The following SLC1A2 variants were observed in gnomAD, a reference collection of about 807,000 sequenced individuals.
The protein encoded by SLC1A2 is excitatory amino acid transporter 2.
In SLC1A2, 15 loss-of-function variants were observed where a neutral mutation model predicts 48.8. The observed-to-expected ratio is 0.31, with a 90% CI of 0.21 to 0.47. SLC1A2 has a LOEUF of 0.47. Ranked by LOEUF, SLC1A2 falls within the 20% of genes least tolerant of loss-of-function variation. The pLI, the probability that SLC1A2 is intolerant of heterozygous loss-of-function variation, is 0.99. For missense variants in SLC1A2, 502 were observed against 730.5 expected (o/e 0.69, Z 3.61); for synonymous variants, 279 against 272.6 (o/e 1.02, Z -0.23).
chr11:35,352,743 T>C (rs891072270), intron 1 of SLC1A2, among the ~76,000 whole-genome samples: 3 of 152,082 alleles, frequency 2.0e-5, no homozygotes, highest in African/African-American at 7.2e-5. Flanking sequence ...GAGGGTTAGG[T>C]TGAGATGGTT....
intron 1 of SLC1A2, among the ~76,000 whole-genome samples, chr11:35,339,723 AAG>A (rs1852770567): frequency 6.6e-6 from 1 of 152,220 alleles, no homozygotes; most frequent in Non-Finnish European, 1.5e-5. Flanking sequence ...GAAGATTGAT[AAG>A]CACAAATATA....
intron 10 of SLC1A2, among the ~76,000 whole-genome samples, chr11:35,262,358 C>A (rs1310291884): frequency 6.6e-6 from 1 of 152,084 alleles, no homozygotes; most frequent in Non-Finnish European, 1.5e-5. Flanking sequence ...AATACTGGGG[C>A]CTATGTTTCA....
At chr11:35,397,653 T>C (rs1180743005) in intron 1 of SLC1A2, among the ~76,000 whole-genome samples, 2 of 151,918 alleles carry the variant, frequency 1.3e-5, no homozygotes, top group East Asian at 1.9e-4. Context: ...TATTTGGAGG[T>C]GAGTTTTTGG....
At chr11:35,309,923 C>T (rs185289704) in intron 4 of SLC1A2, among the ~76,000 whole-genome samples, 20 of 152,160 alleles carry the variant, frequency 1.3e-4, no homozygotes, top group African/African-American at 3.4e-4. Context: ...GCTCAGTCCT[C>T]ATATGAATTT....
intron 8 of SLC1A2, 65 bp from the exon 9 acceptor site, chr11:35,281,066 A>G: frequency 6.8e-7 from 1 of 1,464,232 alleles, no homozygotes; most frequent in Non-Finnish European, 9.1e-7. Context: ...AACCCTGGCA[A>G]TTTTAAGCTC....
intron 1 of SLC1A2, 59 bp from the exon 2 acceptor site, chr11:35,317,575 G>C: frequency 6.4e-7 from 1 of 1,563,674 alleles, no homozygotes; most frequent in Admixed American, 1.7e-5. Flanking sequence ...TACAGTTTCA[G>C]GGGCTCGACT....
At chr11:35,382,984 A>G (rs1194542363) in intron 1 of SLC1A2, among the ~76,000 whole-genome samples, 1 of 152,188 alleles carries the variant, frequency 6.6e-6, no homozygotes, top group Non-Finnish European at 1.5e-5. Flanking sequence ...TACACCATCT[A>G]AGAAAATTAT....
chr11:35,293,782 T>C (rs1414688996), intron 6 of SLC1A2, among the ~76,000 whole-genome samples: 1 of 152,134 alleles, frequency 6.6e-6, no homozygotes, highest in Non-Finnish European at 1.5e-5. Flanking sequence ...AGCAAACACT[T>C]TCCTGGATTA....
intron 6 of SLC1A2, among the ~76,000 whole-genome samples, chr11:35,293,462 C>T (rs1851074866): frequency 6.6e-6 from 1 of 152,168 alleles, no homozygotes; most frequent in South Asian, 2.1e-4. Context: ...AGTTTGGAAA[C>T]TACTTTGGTC....
chr11:35,313,617 C>T (rs1007647777), intron 3 of SLC1A2, among the ~76,000 whole-genome samples: 1 of 152,198 alleles, frequency 6.6e-6, no homozygotes, highest in Non-Finnish European at 1.5e-5. Context: ...GTGTGACCTA[C>T]TTCTCTTTAC....
chr11:35,287,010 T>A, intron 7 of SLC1A2, 59 bp from the exon 8 acceptor site: 14 of 1,331,788 alleles, frequency 1.1e-5, no homozygotes, highest in Middle Eastern at 2.1e-4. Flanking sequence ...AGCAGGACAA[T>A]GCATAAACTG....
At chr11:35,388,391 T>C (rs1854650361) in intron 1 of SLC1A2, among the ~76,000 whole-genome samples, 1 of 152,162 alleles carries the variant, frequency 6.6e-6, no homozygotes, top group African/African-American at 2.4e-5. Context: ...CAGACATGTT[T>C]GTTTTTGTTT....
chr11:35,371,389 T>C (rs532526894), intron 1 of SLC1A2, among the ~76,000 whole-genome samples: 261 of 152,240 alleles, frequency 1.7e-3, no homozygotes, highest in African/African-American at 6.1e-3. Context: ...ACTCTTCATC[T>C]CCCTGCCACC....
upstream of SLC1A2, chr11:35,420,405 C>T (rs893293353): frequency 6.6e-6 from 1 of 152,188 alleles, no homozygotes; most frequent in African/African-American, 2.4e-5. Flanking sequence ...ACCTAGGGTC[C>T]CACTACTTGC....
At chr11:35,300,965 C>T (rs572491049) in intron 6 of SLC1A2, among the ~76,000 whole-genome samples, 8 of 152,122 alleles carry the variant, frequency 5.3e-5, no homozygotes, top group East Asian at 1.9e-4. Context: ...GCCGAGCCTG[C>T]GATGAGCCAT....
intron 1 of SLC1A2, among the ~76,000 whole-genome samples, chr11:35,389,400 CT>C (rs80349646): frequency 2.0e-5 from 3 of 151,752 alleles, no homozygotes; most frequent in East Asian, 1.9e-4. Context: ...GGTTTTTGGT[CT>C]TTTTTTTGTT....
chr11:35,315,068 G>A lies in SLC1A2; in HGVS notation c.265C>T (p.Leu89=). 6.2e-7 allele frequency: 1 copy of A among 1,612,370 alleles called. No homozygotes were observed. Among genetic ancestry groups the A allele is most frequent in the Non-Finnish European group, 8.5e-7 (1 of 1,178,482 alleles). Residue 89 remains leucine (L), a synonymous_variant, in exon 3 of 11, where the codon CTA becomes TTA. Transcript: ENST00000278379. ...AFPGDILMRM[L]KMLILPLIIS... is the part of the protein sequence containing the mutation. ...ATTAGAGGGAGAATGAGCATTTTTA[G>A]CATCCTCATGAGTATATCCCCTGGG... is the stretch of plus-strand genomic sequence containing the variant.
intron 9 of SLC1A2, among the ~76,000 whole-genome samples, chr11:35,272,191 G>A (rs1850297707): frequency 6.6e-6 from 1 of 152,196 alleles, no homozygotes; most frequent in Admixed American, 6.5e-5. Flanking sequence ...TTCCTAGAGA[G>A]ATCAGAGAGG....
At chr11:35,314,905 T>C in intron 3 of SLC1A2, 118 bp downstream of exon 3, 1 of 662,960 alleles carries the variant, frequency 1.5e-6, no homozygotes, top group Admixed American at 2.4e-5. Flanking sequence ...ACCAAAGCTC[T>C]GAAATGAAAT....
Sources: gnomAD v4.1 joint callset for allele counts (sites outside exome capture counted in the v4.1 genomes callset) on GRCh38, gnomAD v4.1.1 for gene constraint, MANE v1.5 for transcripts, NCBI Gene and HGNC (gene_info 2026-07-23, HGNC 2026-07-21) for gene names.